LEMD2: variants seen among roughly 807,000 people sequenced by gnomAD.
The protein encoded by LEMD2 is LEM domain-containing protein 2.
A neutral mutation model predicts 58.8 loss-of-function variants in LEMD2; 34 were observed. The observed-to-expected ratio is 0.58, with a 90% CI of 0.44 to 0.77. The LOEUF (loss-of-function observed/expected upper bound fraction) is 0.77, where lower values mean the gene tolerates loss of function less well. Among genes scored for constraint, LEMD2 ranks in the 30% least tolerant of loss-of-function variants. LEMD2 has a pLI of 0.00. For synonymous variants in LEMD2, 298 were observed against 308.9 expected (o/e 0.96, Z 0.37); for missense variants, 629 against 717.9 (o/e 0.88, Z 1.42).
chr6:33,774,647 C>T (rs1206319146), intron 8 of LEMD2, among the ~76,000 whole-genome samples: 3 of 152,074 alleles, frequency 2.0e-5, no homozygotes, highest in Non-Finnish European at 4.4e-5. Context: ...CCAGGCTGGT[C>T]TCGAACTCCT....
At position 33,783,216 on chromosome 6, in the gene LEMD2, C is replaced by A. The variant is rs528951917; in HGVS notation, c.853+1136G>T. ...CTTAGGTCAGAATTGACATCCCAAG[C>A]ACCTGGGCCGTACAGAGGAATTCCT... On this transcript the variant is annotated intron_variant, in intron 3 of 8. Coordinates refer to ENST00000293760, the MANE Select transcript of LEMD2 (RefSeq NM_181336.4). Among the ~76,000 whole-genome samples, 14 of 152,304 alleles carry A rather than the reference C, an allele frequency of 9.2e-5. No homozygotes were observed. The East Asian group carries it at 1.5e-3, about 17-fold the overall frequency.
Position 33,788,970 on chromosome 6 carries a change from C to T in LEMD2, c.147G>A (p.Arg49=), listed in dbSNP as rs144268907. ...RGEARLRDEE[R]LREEARPRGE... The stretch of plus-strand genomic sequence containing the variant: ...CCCGCGGCCGGGCCTCCTCCCGCAG[C>T]CGCTCCTCGTCGCGCAGCCGGGCCT... The change falls in exon 1 of 9, where the codon CGG becomes CGA. Residue 49 remains arginine (R), a synonymous_variant. Coordinates refer to ENST00000293760, the MANE Select transcript of LEMD2 (RefSeq NM_181336.4). 79 of 1,536,028 alleles carry T rather than the reference C, an allele frequency of 5.1e-5. No individual in the cohort carries two copies. The African/African-American group carries it at 9.1e-4, about 18-fold the overall frequency.
In LEMD2 at chr6:33,788,507, G is replaced by A. The variant is rs1314475455; in HGVS notation, c.610C>T (p.Arg204Cys). 6.5e-7 allele frequency: 1 copy of A among 1,538,982 alleles called. No homozygotes were observed. The highest frequency in any genetic ancestry group is 8.7e-7 in the Non-Finnish European group (1 of 1,143,118). Residue 204 changes from arginine (R) to cysteine (C), a missense_variant, in exon 1 of 9, where the codon CGC becomes TGC. Transcript: ENST00000293760. ...GAARARPEVG[R>C]RLERWLSRLL... ...CGAGAGAGCCAGCGCTCCAGCCGGC[G>A]CCCCACCTCAGGCCGGGCCCTCGCC...
chr6:33,782,805 C>T (rs1767594772), intron 3 of LEMD2, among the ~76,000 whole-genome samples: 1 of 152,198 alleles, frequency 6.6e-6, no homozygotes, highest in Non-Finnish European at 1.5e-5. Context: ...CAGCCCACAG[C>T]GGATCCCTAA....
chr6:33,788,775 C>G lies in LEMD2; in HGVS notation c.342G>C (p.Trp114Cys), dbSNP rs760998032. 3.1e-5 allele frequency: 45 copies of G among 1,452,534 alleles called. No homozygotes were observed. The highest frequency in any genetic ancestry group is 4.1e-5 in the Non-Finnish European group (45 of 1,104,926). The allele number at this position is 1,452,534 out of a possible 1,614,324, so 90.0% of individuals were successfully genotyped here. Residue 114 changes from tryptophan to cysteine, a missense_variant, in exon 1 of 9, where the codon TGG becomes TGC. Coordinates refer to ENST00000293760, the MANE Select transcript of LEMD2 (RefSeq NM_181336.4). ...GATAGGCGAGGCCGCGGCTCCCTAC[C>G]CAGGAAGCCGCGGAGGGCCGGATAT... The part of the protein sequence containing the change: ...YGDIRPSAAS[W>C]VGSRGLAYPA...
chr6:33,783,687 G>C (rs545980138), intron 3 of LEMD2, among the ~76,000 whole-genome samples: 1 of 152,356 alleles, frequency 6.6e-6, no homozygotes, highest in South Asian at 2.1e-4. Context: ...TAAAACAGTA[G>C]GGGATGCATC....
intron 1 of LEMD2, among the ~76,000 whole-genome samples, chr6:33,787,567 A>C (rs1767708097): frequency 6.6e-6 from 1 of 152,256 alleles, no homozygotes; most frequent in South Asian, 2.1e-4. Flanking sequence ...TGCTTTGTAA[A>C]GAGTATTAAA....
intron 3 of LEMD2, chr6:33,782,059 C>T (rs781123456): frequency 2.0e-5 from 3 of 152,148 alleles, no homozygotes; most frequent in Non-Finnish European, 4.4e-5. Context: ...AGCCTGTCGC[C>T]TTCCCCTAAC....
intron 8 of LEMD2, among the ~76,000 whole-genome samples, chr6:33,773,652 G>GGCCT (rs1767359614): frequency 6.6e-6 from 1 of 151,918 alleles, no homozygotes; most frequent in Admixed American, 6.6e-5. Context: ...AAACCCCATG[G>GGCCT]GCCTATTCAG....
In LEMD2 at chr6:33,778,197, A is replaced by G; in HGVS notation, c.1156+45T>C. 1 of 1,526,392 alleles carries G rather than the reference A, an allele frequency of 6.6e-7. No individual in the cohort carries two copies. The highest frequency in any genetic ancestry group is 8.8e-7 in the Non-Finnish European group (1 of 1,132,352). 94.6% of individuals were successfully genotyped at this position (1,526,392 alleles called of 1,614,324 possible). On this transcript the variant is annotated intron_variant, in intron 6 of 8. Coordinates refer to ENST00000293760, the MANE Select transcript of LEMD2 (RefSeq NM_181336.4). The surrounding 1 kb of genome is among the most constrained non-coding windows in gnomAD (Gnocchi z 4.7). ...TAGCTCATCATTCATGCCTAGGAGT[A>G]TGCTTGACTGCACAGAAGGGGAGGG...
intron 2 of LEMD2, 50 bp from the exon 3 acceptor site, chr6:33,784,477 G>GGGGGGGGGGGGCCCCCC: frequency 2.3e-6 from 1 of 430,778 alleles, no homozygotes; most frequent in Non-Finnish European, 4.8e-6. Flanking sequence ...GGTGGGAGGG[G>GGGGGGGGGGGGCCCCCC]TCCGTCTGTC....
rs529990743 is a variant in LEMD2, at chr6:33,772,697, G to T, written c.1443C>A (p.Arg481=). 5.0e-6 allele frequency: 8 copies of T among 1,613,928 alleles called. No individual in the cohort carries two copies. The Admixed American group carries it at 1.2e-4, about 24-fold the overall frequency. Reference sequence around the variant, plus strand: ...ACACCAGCATGTCCTCTCCTGCAACGCGGTGGGACTCCGTCTGGATCCGGG... The same window carrying T: ...ACACCAGCATGTCCTCTCCTGCAACTCGGTGGGACTCCGTCTGGATCCGGG... ...NESRIQTESH[R]VAGEDMLVWR... The change falls in exon 9 of 9, where the codon CGC becomes CGA. Residue 481 remains arginine (R), a synonymous_variant. Transcript: ENST00000293760.
In LEMD2 at chr6:33,771,464, G is replaced by A. The variant is rs986464246; in HGVS notation, c.*1164C>T. ...GTAAGACTAGAGAGGGGTGGTTAAT[G>A]TTTCTGGAGGCAGCTGTGGAATTTC... On this transcript the variant is annotated 3_prime_UTR_variant, in exon 9 of 9. Transcript: ENST00000293760. 2 of 152,262 alleles carry A rather than the reference G, an allele frequency of 1.3e-5. No individual in the cohort carries two copies. Among genetic ancestry groups the A allele is most frequent in the African/African-American group, 4.8e-5 (2 of 41,470 alleles). 9.4% of individuals were successfully genotyped at this position (152,262 alleles called of 1,614,324 possible). A position where few individuals can be genotyped will look rare whatever the true frequency, so the allele number is the denominator to read the frequency against.
At chr6:33,784,177 A>G (rs1168768325) in intron 3 of LEMD2, among the ~76,000 whole-genome samples, 175 bp downstream of exon 3, 2 of 152,244 alleles carry the variant, frequency 1.3e-5, no homozygotes, top group Non-Finnish European at 2.9e-5. Flanking sequence ...AGGCTTATAA[A>G]AGATGTGCCT....
At chr6:33,776,865 T>C in intron 8 of LEMD2, 89 bp downstream of exon 8, 1 of 1,064,454 alleles carries the variant, frequency 9.4e-7, no homozygotes, top group Non-Finnish European at 1.4e-6. Context: ...AGCTGACATC[T>C]GATGCAAGGC....
rs955075977 is a variant in LEMD2 at position 33,771,421 on chromosome 6, A to C, written c.*1207T>G. ...AATGAGGGAGACTGGAGCTTTATTAAGGAAACAAAAAATACCAGTAAGACT... is the reference window on the plus strand; with the variant it reads ...AATGAGGGAGACTGGAGCTTTATTACGGAAACAAAAAATACCAGTAAGACT... On this transcript the variant is annotated 3_prime_UTR_variant, in exon 9 of 9. Coordinates refer to ENST00000293760, the MANE Select transcript of LEMD2 (RefSeq NM_181336.4). The C allele has an allele frequency of 6.6e-6, 1 of 152,278 alleles. No homozygotes were observed. The highest frequency in any genetic ancestry group is 1.5e-5 in the Non-Finnish European group (1 of 68,060). The allele number at this position is 152,278 out of a possible 1,614,324, so 9.4% of individuals were successfully genotyped here.
Position 33,780,121 on chromosome 6 carries a change from C to G in LEMD2, c.989G>C (p.Ser330Thr). 1 of 1,594,742 alleles carries G rather than the reference C, an allele frequency of 6.3e-7. No individual in the cohort carries two copies. Among genetic ancestry groups the G allele is most frequent in the Non-Finnish European group, 8.6e-7 (1 of 1,169,430 alleles). Residue 330 changes from serine (S) to threonine (T), a missense_variant, in exon 5 of 9, where the codon AGT becomes ACT. Physicochemically the swap from Ser to Thr is moderately conservative, Grantham distance 58. Around this residue, in one of 2 missense-constraint regions of LEMD2, gnomAD observed 243 missense variants for 336.8 expected, o/e 0.72. Coordinates refer to ENST00000293760, the MANE Select transcript of LEMD2 (RefSeq NM_181336.4). ...TCACCAGATGCCCACGTCCTTGTTA[C>G]TGCTCAGTATCCAGGTCAGTGCGGC... is the stretch of plus-strand genomic sequence containing the variant. ...FEAALTWILS[S>T]NKDVGIWLKG...
rs943818118 is a variant in LEMD2, at chr6:33,778,464, G to T, written c.1011-77C>A. The T allele has an allele frequency of 1.6e-6, 2 of 1,248,548 alleles. No individual in the cohort carries two copies. Among genetic ancestry groups the T allele is most frequent in the Non-Finnish European group, 2.1e-6 (2 of 937,220 alleles). The allele number at this position is 1,248,548 out of a possible 1,614,324, so 77.3% of individuals were successfully genotyped here. Reference sequence around the variant, plus strand: ...AGTGCAAGCCCCACTTCAAACAGGAGGAAGCGAAGGAAAGTGGGGACGCAA... The same window carrying T: ...AGTGCAAGCCCCACTTCAAACAGGATGAAGCGAAGGAAAGTGGGGACGCAA... On this transcript the variant is annotated intron_variant, in intron 5 of 8. Transcript: ENST00000293760. This position sits in a 1 kb window ranked among gnomAD's most constrained non-coding sequence, Gnocchi z 4.7.
chr6:33,788,864 CCCGCGGAGAGG>C lies in LEMD2; in HGVS notation c.242_252del (p.Ala81GlyfsTer22). ...GCCGGCTGGGAGAGCCAGGGCTCCG[CCCGCGGAGAGG>C]CCGCGGCGGGCCGGGCGCGCAGCGG... is the stretch of plus-strand genomic sequence containing the variant. On this transcript the variant is annotated frameshift_variant, in exon 1 of 9. Coordinates refer to ENST00000293760, the MANE Select transcript of LEMD2 (RefSeq NM_181336.4). LOFTEE classifies it high-confidence loss of function. The C allele has an allele frequency of 1.4e-6, 2 of 1,380,516 alleles. No individual in the cohort carries two copies. The highest frequency in any genetic ancestry group is 1.9e-6 in the Non-Finnish European group (2 of 1,074,962). The allele number at this position is 1,380,516 out of a possible 1,614,324, so 85.5% of individuals were successfully genotyped here.
Sources: allele counts gnomAD v4.1 joint callset (sites outside exome capture counted in the v4.1 genomes callset), GRCh38; gene constraint gnomAD v4.1.1; regional missense constraint gnomAD v4.1.1; non-coding constraint Gnocchi (gnomAD v3.1); transcripts MANE v1.5; gene names NCBI Gene and HGNC (gene_info 2026-07-23, HGNC 2026-07-21).